The following PRMT9 variants were observed in gnomAD, a reference collection of about 807,000 sequenced individuals.
PRMT9 encodes protein arginine methyltransferase 9, also known as protein arginine N-methyltransferase 9.
A neutral mutation model predicts 83.2 loss-of-function variants in PRMT9; 59 were observed. The ratio of observed to expected loss-of-function variants is 0.71; its 90% confidence interval spans 0.57 to 0.88. The LOEUF is 0.88. PRMT9 is among the 40% of genes least tolerant of loss of function. The pLI is 0.00. For synonymous variants in PRMT9, 333 were observed against 353.2 expected (o/e 0.94, Z 0.64); for missense variants, 947 against 1,021.9 (o/e 0.93, Z 1.00).
intron 9 of PRMT9, among the ~76,000 whole-genome samples, chr4:147,646,165 A>G (rs536223205): frequency 6.6e-6 from 1 of 152,334 alleles, no homozygotes; most frequent in East Asian, 1.9e-4. Flanking sequence ...AATCACTGGA[A>G]AAATCTTTTT....
At position 147,647,626 on chromosome 4, in the gene PRMT9, G is replaced by A. The variant is rs187547867; in HGVS notation, c.2046-4686C>T. Among the ~76,000 whole-genome samples the A allele has an allele frequency of 4.3e-3, 653 of 151,706 alleles. 1 individual carries two copies. Among genetic ancestry groups the A allele is most frequent in the Non-Finnish European group, 7.6e-3 (519 of 67,926 alleles). On this transcript the variant is annotated intron_variant, in intron 9 of 11. Transcript: ENST00000322396. ...CAACCTCTGCCTCCCAAGTTCAGGCGATTCTTCTGCCTCAGCCTCCTGAGC... is the reference window on the plus strand; with the variant it reads ...CAACCTCTGCCTCCCAAGTTCAGGCAATTCTTCTGCCTCAGCCTCCTGAGC...
At position 147,668,600 on chromosome 4, in the gene PRMT9, G is replaced by A; in HGVS notation, c.892C>T (p.Pro298Ser). The change falls in exon 6 of 12, where the codon CCA (proline) becomes TCA (serine). Residue 298 changes from proline (P) to serine (S), a missense_variant. By Grantham distance (74) the Pro-to-Ser change is moderately conservative. Transcript: ENST00000322396. ...ATCCCAAATATAACAGCACTTGCTG[G>A]TATAACTTTCCCATACTTTTCACAA... ...ANCEKYGKVIPASAVIFGMAV... is the reference protein window; with the variant it reads ...ANCEKYGKVISASAVIFGMAV... 1 of 1,612,258 alleles carries A rather than the reference G, an allele frequency of 6.2e-7. No homozygotes were observed. The highest frequency in any genetic ancestry group is 8.5e-7 in the Non-Finnish European group (1 of 1,178,894).
At chr4:147,672,826 A>G in intron 4 of PRMT9, 133 bp downstream of exon 4, 1 of 568,498 alleles carries the variant, frequency 1.8e-6, no homozygotes, top group Non-Finnish European at 3.1e-6. Flanking sequence ...ATAATAAACT[A>G]TCTTATCCTA....
intron 8 of PRMT9, among the ~76,000 whole-genome samples, chr4:147,655,350 A>G (rs1311132237): frequency 2.6e-5 from 4 of 151,158 alleles, no homozygotes; most frequent in African/African-American, 9.8e-5. Context: ...TTAAATAGAG[A>G]TGAGGTCTTG....
At chr4:147,672,881 G>T in intron 4 of PRMT9, 78 bp downstream of exon 4, 1 of 1,201,274 alleles carries the variant, frequency 8.3e-7, no homozygotes, top group Non-Finnish European at 1.2e-6. Context: ...ATTTTGTTTG[G>T]ACTAAAAGCT....
chr4:147,654,051 G>A lies in PRMT9; in HGVS notation c.1846C>T (p.Arg616Cys), dbSNP rs771503214. ...PYSSVEKDQH[R>C]IALDLISEAN... ...TCAGATATGAGGTCCAGAGCAATAC[G>A]ATGCTGGTCTTTCTCCACAGAACTG... Residue 616 changes from arginine to cysteine, a missense_variant, in exon 9 of 12, where the codon CGT (arginine) becomes TGT (cysteine). Transcript: ENST00000322396. The A allele has an allele frequency of 9.3e-6, 15 of 1,614,080 alleles. No individual in the cohort carries two copies. Among genetic ancestry groups the A allele is most frequent in the Middle Eastern group, 1.6e-4 (1 of 6,084 alleles).
intron 9 of PRMT9, among the ~76,000 whole-genome samples, chr4:147,643,224 G>A (rs891543468): frequency 1.3e-5 from 2 of 151,982 alleles, no homozygotes; most frequent in South Asian, 2.1e-4. Context: ...CCAACATCCC[G>A]CCACTGCACT....
intron 6 of PRMT9, among the ~76,000 whole-genome samples, chr4:147,667,513 A>G (rs755536578): frequency 6.6e-6 from 1 of 152,216 alleles, no homozygotes; most frequent in Non-Finnish European, 1.5e-5. Flanking sequence ...AATTAAGTCC[A>G]CTGTCTGGTT....
At chr4:147,639,140 T>A in intron 10 of PRMT9, 58 bp from the exon 11 acceptor site, 2 of 1,576,492 alleles carry the variant, frequency 1.3e-6, no homozygotes, top group Admixed American at 1.7e-5. Flanking sequence ...AGGGCTCAAG[T>A]TTTTCACTTT....
intron 9 of PRMT9, among the ~76,000 whole-genome samples, chr4:147,650,841 G>A (rs577831234): frequency 1.4e-3 from 216 of 152,252 alleles, no homozygotes; most frequent in African/African-American, 4.9e-3. Context: ...GGTGGCTCAT[G>A]CCTGTAATCC....
Position 147,637,823 on chromosome 4 carries a change from T to G in PRMT9, c.*709A>C, listed in dbSNP as rs1733116824. Reference sequence around the variant, plus strand: ...AATGATCTTCCTTTATTTCAAAAGTTTGTAAAAATTGGATCAATTAATGTA... The same window carrying G: ...AATGATCTTCCTTTATTTCAAAAGTGTGTAAAAATTGGATCAATTAATGTA... On this transcript the variant is annotated 3_prime_UTR_variant, in exon 12 of 12. Transcript: ENST00000322396. The G allele has an allele frequency of 6.6e-6, 1 of 152,182 alleles. No individual in the cohort carries two copies. The highest frequency in any genetic ancestry group is 2.1e-4 in the South Asian group (1 of 4,816). 9.4% of individuals were successfully genotyped at this position (152,182 alleles called of 1,614,324 possible). A position where few individuals can be genotyped will look rare whatever the true frequency, so the allele number is the denominator to read the frequency against.
chr4:147,656,948 A>G (rs1452319572), intron 8 of PRMT9, among the ~76,000 whole-genome samples: 1 of 151,814 alleles, frequency 6.6e-6, no homozygotes, highest in African/African-American at 2.4e-5. Context: ...GTTTTTCTAT[A>G]TAATTCAACT....
intron 9 of PRMT9, among the ~76,000 whole-genome samples, chr4:147,643,286 CAAAA>C (rs994174633): frequency 6.7e-6 from 1 of 149,920 alleles, no homozygotes; most frequent in Admixed American, 6.6e-5. Context: ...TAAAATAAAA[CAAAA>C]AAAAACCCTT....
chr4:147,654,384 T>A lies in PRMT9; in HGVS notation c.1513A>T (p.Asn505Tyr), dbSNP rs542882645. 1.2e-6 allele frequency: 2 copies of A among 1,614,214 alleles called. No homozygotes were observed. Among genetic ancestry groups the A allele is most frequent in the Admixed American group, 3.3e-5 (2 of 60,030 alleles). The change falls in exon 9 of 12, where the codon AAC (asparagine) becomes TAC (tyrosine). Residue 505 changes from asparagine to tyrosine, a missense_variant. By Grantham distance (143) the Asn-to-Tyr change is moderately radical. Coordinates refer to ENST00000322396, the MANE Select transcript of PRMT9 (RefSeq NM_138364.4). ...NEAELCSALA[N>Y]LQTSKPDAVE... ...GCATCTGGTTTACTGGTCTGAAGGT[T>A]AGCGAGGGCACTACAAAGTTCAGCC...
Position 147,684,092 on chromosome 4 carries a change from G to A in PRMT9, c.-105C>T. Reference sequence around the variant, plus strand: ...GGACCAGACAACTGCTCAAAAAACAGCACAGCAAAGTTACCCTCCGCCGCG... The same window carrying A: ...GGACCAGACAACTGCTCAAAAAACAACACAGCAAAGTTACCCTCCGCCGCG... On this transcript the variant is annotated 5_prime_UTR_variant, in exon 1 of 12. Coordinates refer to ENST00000322396, the MANE Select transcript of PRMT9 (RefSeq NM_138364.4). 7.8e-7 allele frequency: 1 copy of A among 1,282,798 alleles called. No homozygotes were observed. The highest frequency in any genetic ancestry group is 1.1e-6 in the Non-Finnish European group (1 of 913,374). The allele number at this position is 1,282,798 out of a possible 1,614,324, so 79.5% of individuals were successfully genotyped here.
chr4:147,656,395 C>T (rs1434766787), intron 8 of PRMT9, among the ~76,000 whole-genome samples: 1 of 151,884 alleles, frequency 6.6e-6, no homozygotes, highest in African/African-American at 2.4e-5. Flanking sequence ...TGGACTCAAG[C>T]GATCCTTCTT....
At chr4:147,671,787 A>T (rs754618013) in intron 4 of PRMT9, 3 of 452,572 alleles carry the variant, frequency 6.6e-6, no homozygotes, top group Non-Finnish European at 1.3e-5. Context: ...CTACAACATT[A>T]TCTGTGAGAA....
In PRMT9 at chr4:147,657,957, T is replaced by C. The variant is rs753950462; in HGVS notation, c.1165A>G (p.Thr389Ala). Residue 389 changes from threonine (T) to alanine (A), a missense_variant, in exon 8 of 12, where the codon ACT becomes GCT. Thr to Ala is a moderately conservative substitution (Grantham distance 58). Coordinates refer to ENST00000322396, the MANE Select transcript of PRMT9 (RefSeq NM_138364.4). ...NNLQELKSLATKKPDKIGIPV... is the reference protein window; with the variant it reads ...NNLQELKSLAAKKPDKIGIPV... ...ATACCAATCTTATCAGGCTTTTTAG[T>C]TGCAAGACTTTTTAATTCCTGAGAA... The C allele has an allele frequency of 6.2e-7, 1 of 1,603,220 alleles. No homozygotes were observed. Among genetic ancestry groups the C allele is most frequent in the Non-Finnish European group, 8.5e-7 (1 of 1,173,168 alleles).
intron 1 of PRMT9, among the ~76,000 whole-genome samples, chr4:147,680,793 C>A (rs986992393): frequency 1.3e-5 from 2 of 152,114 alleles, no homozygotes; most frequent in African/African-American, 4.8e-5. Flanking sequence ...TGTCCTTGGC[C>A]CTCTTCTTTT....
Sources: gnomAD v4.1 joint callset for allele counts (sites outside exome capture counted in the v4.1 genomes callset) on GRCh38, gnomAD v4.1.1 for gene constraint, MANE v1.5 for transcripts, NCBI Gene and HGNC (gene_info 2026-07-23, HGNC 2026-07-21) for gene names.